FOXP2: variants seen among roughly 807,000 people sequenced by gnomAD.
FOXP2 encodes the protein forkhead box protein P2.
Under a neutral mutation model 115.8 loss-of-function variants are expected in FOXP2, and 12 were observed. The observed-to-expected ratio is 0.10, with a 90% CI of 0.07 to 0.17. The LOEUF is 0.17. FOXP2 is among the 10% of genes least tolerant of loss of function. The probability of loss-of-function intolerance (pLI) is 1.00; values close to 1 mark genes in which losing one functional copy is unlikely to be tolerated. For missense variants in FOXP2, 629 were observed against 843.5 expected, an observed-to-expected ratio of 0.75 and a Z score of 3.15; for synonymous variants, 328 against 297.7, an observed-to-expected ratio of 1.10 and a Z score of -1.05.
intron 2 of FOXP2, among the ~76,000 whole-genome samples, chr7:114,473,659 A>G (rs1197802226): frequency 2.6e-5 from 4 of 152,112 alleles, no homozygotes; most frequent in African/African-American, 9.7e-5. Context: ...TCCCTTATAT[A>G]TATTGAAATG....
At chr7:114,124,125 T>G (rs1390601067) in intron 1 of FOXP2, among the ~76,000 whole-genome samples, 5 of 152,068 alleles carry the variant, frequency 3.3e-5, no homozygotes, top group Non-Finnish European at 7.4e-5. Context: ...ATCCTCTAAC[T>G]ACAGTCAAAA....
intron 1 of FOXP2, among the ~76,000 whole-genome samples, chr7:114,252,888 G>A (rs1322443608): frequency 6.6e-6 from 1 of 152,038 alleles, no homozygotes. Context: ...TGATGTTAGG[G>A]TGTCAATTTT....
chr7:114,482,291 G>C (rs1796592857), intron 2 of FOXP2, among the ~76,000 whole-genome samples: 3 of 151,416 alleles, frequency 2.0e-5, no homozygotes, highest in African/African-American at 7.2e-5. Context: ...CAGTGTTATG[G>C]AGGCTTGTAA....
chr7:114,559,509 T>C (rs1800646107), intron 3 of FOXP2, among the ~76,000 whole-genome samples: 1 of 152,186 alleles, frequency 6.6e-6, no homozygotes, highest in Non-Finnish European at 1.5e-5. Context: ...AAGAAGGGGA[T>C]TGACTAAAAA....
At chr7:114,234,094 C>G (rs1794952671) in intron 1 of FOXP2, among the ~76,000 whole-genome samples, 1 of 152,190 alleles carries the variant, frequency 6.6e-6, no homozygotes, top group African/African-American at 2.4e-5. Flanking sequence ...TTTCTTCCCT[C>G]TCTTGCCCAC....
chr7:114,168,800 A>C (rs1481990341), intron 1 of FOXP2, among the ~76,000 whole-genome samples: 1 of 152,122 alleles, frequency 6.6e-6, no homozygotes, highest in Non-Finnish European at 1.5e-5. Context: ...AGGAGGAGAA[A>C]GTAGTTTTAT....
intron 2 of FOXP2, among the ~76,000 whole-genome samples, chr7:114,519,380 G>A (rs747401445): frequency 2.0e-5 from 3 of 152,096 alleles, no homozygotes; most frequent in Admixed American, 6.6e-5. Context: ...CCCAGCTGTT[G>A]CAGACTTTGT....
At chr7:114,486,652 C>T (rs1337850775) in intron 2 of FOXP2, among the ~76,000 whole-genome samples, 1 of 152,234 alleles carries the variant, frequency 6.6e-6, no homozygotes, top group Non-Finnish European at 1.5e-5. Flanking sequence ...AAGTCAGTTA[C>T]TTTCTTGATA....
At chr7:114,457,699 C>T (rs187992048) in intron 2 of FOXP2, among the ~76,000 whole-genome samples, 398 of 152,202 alleles carry the variant, frequency 2.6e-3, no homozygotes, top group Middle Eastern at 6.8e-3. Flanking sequence ...GAGATCGAGA[C>T]CATCCTGCCT....
intron 2 of FOXP2, among the ~76,000 whole-genome samples, chr7:114,308,927 T>C (rs1041107296): frequency 2.6e-5 from 4 of 152,160 alleles, no homozygotes; most frequent in Non-Finnish European, 4.4e-5. Flanking sequence ...AAGACCGATA[T>C]AGTCAATTTG....
intron 2 of FOXP2, among the ~76,000 whole-genome samples, chr7:114,355,520 G>A (rs78843998): frequency 0.089 from 13,575 of 152,116 alleles, 672 homozygotes; most frequent in Middle Eastern, 0.16. Context: ...GACTTTTCCT[G>A]TTTTCTATGG....
upstream of FOXP2, among the ~76,000 whole-genome samples, chr7:114,413,508 G>C (rs1336531130): frequency 6.6e-6 from 1 of 151,970 alleles, no homozygotes; most frequent in African/African-American, 2.4e-5. Context: ...TACTTTTAAT[G>C]AGTGAATTAT....
At position 114,404,318 on chromosome 7, in the gene FOXP2, C is replaced by T. The variant is rs150027038; in HGVS notation, c.-10-22184C>T. ...TATGCTTTAATTAGTGAAAATTCTA[C>T]GTAAAAACTTATAAACGTTTGTAAC... On this transcript the variant is annotated intron_variant, in intron 2 of 17. Coordinates refer to the FOXP2 transcript ENST00000634411. Among the ~76,000 whole-genome samples the T allele has an allele frequency of 6.3e-3, 965 of 152,058 alleles. 10 individuals carry two copies. Among genetic ancestry groups the T allele is most frequent in the African/African-American group, 0.022 (932 of 41,472 alleles).
intron 2 of FOXP2, among the ~76,000 whole-genome samples, chr7:114,465,255 AC>A (rs1319486605): frequency 1.3e-5 from 2 of 152,184 alleles, no homozygotes; most frequent in Non-Finnish European, 2.9e-5. Flanking sequence ...ATGAGCCACA[AC>A]GTCTAGCCTT....
intron 6 of FOXP2, among the ~76,000 whole-genome samples, chr7:114,639,540 T>A (rs116121204): frequency 0.022 from 2,644 of 121,596 alleles, 70 homozygotes; most frequent in African/African-American, 0.077. Context: ...AAAAAAAAGC[T>A]GGATGAGGAG....
At chr7:114,357,233 C>G (rs1584662828) in intron 2 of FOXP2, among the ~76,000 whole-genome samples, 1 of 152,110 alleles carries the variant, frequency 6.6e-6, no homozygotes, top group Non-Finnish European at 1.5e-5. Context: ...GCTTAACCAG[C>G]ACAAAGTAAC....
chr7:114,590,511 A>G (rs1349568399), intron 3 of FOXP2, among the ~76,000 whole-genome samples: 3 of 152,112 alleles, frequency 2.0e-5, no homozygotes, highest in African/African-American at 4.8e-5. Context: ...TTCCTGTATT[A>G]ACTTCCCAAG....
chr7:114,337,084 T>C (rs1440996167), intron 2 of FOXP2, among the ~76,000 whole-genome samples: 4 of 151,570 alleles, frequency 2.6e-5, no homozygotes, highest in Non-Finnish European at 5.9e-5. Context: ...ACATTTGATA[T>C]AGATTATTCT....
chr7:114,154,811 C>A (rs1792619817), intron 1 of FOXP2, among the ~76,000 whole-genome samples: 1 of 152,046 alleles, frequency 6.6e-6, no homozygotes, highest in Non-Finnish European at 1.5e-5. Context: ...GACAGTTATC[C>A]TGAGGTCAAA....
Sources: allele counts gnomAD v4.1 joint callset (sites outside exome capture counted in the v4.1 genomes callset), GRCh38; gene constraint gnomAD v4.1.1; transcripts MANE v1.5; gene names NCBI Gene and HGNC (gene_info 2026-07-23, HGNC 2026-07-21).